Variants in EFCAB5 observed in about 807,000 individuals in gnomAD.
The protein encoded by EFCAB5 is EF-hand calcium binding domain 5, also known as EF-hand calcium-binding domain-containing protein 5.
A neutral mutation model predicts 167.9 loss-of-function variants in EFCAB5; 131 were observed. The ratio of observed to expected loss-of-function variants is 0.78; its 90% CI spans 0.68 to 0.90. EFCAB5 has a LOEUF of 0.90. EFCAB5 is among the 40% of genes least tolerant of loss of function. The pLI, the probability that EFCAB5 is intolerant of heterozygous loss-of-function variation, is 0.00. For synonymous variants in EFCAB5, 574 were observed against 602.8 expected (o/e 0.95, Z 0.70); for missense variants, 1,663 against 1,745.2 (o/e 0.95, Z 0.84).
Position 30,054,068 on chromosome 17 carries a change from A to C in EFCAB5, c.2114A>C (p.Gln705Pro), listed in dbSNP as rs2083171301. Residue 705 changes from glutamine to proline, a missense_variant, in exon 10 of 23, where the codon CAA (glutamine) becomes CCA (proline). By Grantham distance (76) the Gln-to-Pro change is moderately conservative. Coordinates refer to ENST00000394835, the MANE Select transcript of EFCAB5 (RefSeq NM_198529.4). ...VPLQEKRSWE[Q>P]TYEEEIFLSS... Reference sequence around the variant, plus strand: ...CTACAGGAAAAGAGGTCTTGGGAACAAACATATGAAGAGGAAATATTCCTG... The same window carrying C: ...CTACAGGAAAAGAGGTCTTGGGAACCAACATATGAAGAGGAAATATTCCTG... 6.3e-7 allele frequency: 1 copy of C among 1,594,666 alleles called. No homozygotes were observed. The highest frequency in any genetic ancestry group is 1.3e-5 in the African/African-American group (1 of 74,630).
At chr17:29,984,547 G>A (rs2068242531) in intron 4 of EFCAB5, among the ~76,000 whole-genome samples, 1 of 151,982 alleles carries the variant, frequency 6.6e-6, no homozygotes, top group South Asian at 2.1e-4. Context: ...GTGAAACTCT[G>A]TCTCTACTAA....
intron 3 of EFCAB5, among the ~76,000 whole-genome samples, chr17:29,954,578 G>A (rs2067575619): frequency 6.6e-6 from 1 of 152,220 alleles, no homozygotes; most frequent in Non-Finnish European, 1.5e-5. Context: ...GATGTCCAGG[G>A]AGAAGTTTGC....
At chr17:30,080,561 T>G (rs3924841) in intron 16 of EFCAB5, among the ~76,000 whole-genome samples, 192 bp from the exon 17 acceptor site, 91,210 of 151,432 alleles carry the variant, frequency 0.6, 28,983 homozygotes, top group African/African-American at 0.81. Flanking sequence ...TTTTTTTTTT[T>G]TTTGTTTGTT....
At chr17:30,091,848 G>A in intron 20 of EFCAB5, 23 bp from the exon 21 acceptor site, 2 of 1,610,300 alleles carry the variant, frequency 1.2e-6, no homozygotes, top group Non-Finnish European at 1.7e-6. Context: ...ACAGCAATGT[G>A]AGCTATCATT....
chr17:30,095,614 C>G (rs536992317), intron 22 of EFCAB5, among the ~76,000 whole-genome samples: 1 of 152,326 alleles, frequency 6.6e-6, no homozygotes, highest in Admixed American at 6.5e-5. Flanking sequence ...CATTCCTTAA[C>G]TCCCCACTGC....
chr17:30,009,836 A>G (rs1350274137), intron 7 of EFCAB5, among the ~76,000 whole-genome samples: 8 of 151,864 alleles, frequency 5.3e-5, no homozygotes, highest in Non-Finnish European at 1.0e-4. Flanking sequence ...TTATACTTTA[A>G]GTTCTAGGGT....
At chr17:30,049,333 A>G (rs1374453246) in intron 8 of EFCAB5, among the ~76,000 whole-genome samples, 1 of 152,182 alleles carries the variant, frequency 6.6e-6, no homozygotes, top group African/African-American at 2.4e-5. Flanking sequence ...TACAAAAATT[A>G]GCCAGGCGTG....
intron 3 of EFCAB5, among the ~76,000 whole-genome samples, chr17:29,965,274 ATTT>A (rs533201159): frequency 6.6e-6 from 1 of 151,110 alleles, no homozygotes. Context: ...ATCCCTTGTG[ATTT>A]TTTTGACCCA....
At chr17:30,063,271 C>T (rs1466788584) in intron 14 of EFCAB5, among the ~76,000 whole-genome samples, 1 of 152,224 alleles carries the variant, frequency 6.6e-6, no homozygotes, top group East Asian at 1.9e-4. Context: ...CTTGCTGCCA[C>T]CGTACCTGGT....
In EFCAB5 at chr17:30,107,906, G is replaced by A; in HGVS notation, c.4394G>A (p.Cys1465Tyr). 6.2e-7 allele frequency: 1 copy of A among 1,610,986 alleles called. No homozygotes were observed. Among genetic ancestry groups the A allele is most frequent in the South Asian group, 1.1e-5 (1 of 90,464 alleles). ...IEHLYHWIHI[C>Y]SALMKITKQL... ...CATCTATACCACTGGATACACATCTGTTCAGCTCTCATGAAGATAACCAAA... is the reference window on the plus strand; with the variant it reads ...CATCTATACCACTGGATACACATCTATTCAGCTCTCATGAAGATAACCAAA... The change falls in exon 23 of 23, where the codon TGT becomes TAT. Residue 1465 changes from cysteine to tyrosine, a missense_variant. Transcript: ENST00000394835.
chr17:30,018,041 T>C (rs1044656305), intron 7 of EFCAB5, among the ~76,000 whole-genome samples: 1 of 152,176 alleles, frequency 6.6e-6, no homozygotes, highest in African/African-American at 2.4e-5. Flanking sequence ...TTCTTATATA[T>C]TGAGAATGTC....
At position 30,054,067 on chromosome 17, in the gene EFCAB5, C is replaced by G; in HGVS notation, c.2113C>G (p.Gln705Glu). 6.3e-7 allele frequency: 1 copy of G among 1,595,568 alleles called. No homozygotes were observed. The highest frequency in any genetic ancestry group is 8.5e-7 in the Non-Finnish European group (1 of 1,170,070). The change falls in exon 10 of 23, where the codon CAA becomes GAA. Residue 705 changes from glutamine (Q) to glutamate (E), a missense_variant. By Grantham distance (29) the Gln-to-Glu change is conservative. Transcript: ENST00000394835. ...TCTACAGGAAAAGAGGTCTTGGGAACAAACATATGAAGAGGAAATATTCCT... is the reference window on the plus strand; with the variant it reads ...TCTACAGGAAAAGAGGTCTTGGGAAGAAACATATGAAGAGGAAATATTCCT... Reference protein sequence around the residue: ...VPLQEKRSWEQTYEEEIFLSS... With the variant: ...VPLQEKRSWEETYEEEIFLSS...
intron 22 of EFCAB5, 78 bp from the exon 23 acceptor site, chr17:30,107,756 A>G: frequency 8.2e-7 from 1 of 1,223,810 alleles, no homozygotes; most frequent in South Asian, 2.1e-5. Flanking sequence ...AACTTTAATC[A>G]TAATATTAGA....
Position 30,088,436 on chromosome 17 carries a change from A to G in EFCAB5, c.3683+1270A>G, listed in dbSNP as rs545127391. On this transcript the variant is annotated intron_variant, in intron 19 of 22. Transcript: ENST00000394835. ...ATTTTCCATGAATTTCCTTGTAAAT[A>G]TGGAATTCAACAAAAGCCCACCATG... Among the ~76,000 whole-genome samples the G allele has an allele frequency of 2.0e-5, 3 of 152,356 alleles. No individual in the cohort carries two copies. In the South Asian group the frequency reaches 6.2e-4, roughly 32 times the overall value.
Position 30,053,407 on chromosome 17 carries a change from T to C in EFCAB5, c.1453T>C (p.Leu485=), listed in dbSNP as rs1375327898. The C allele has an allele frequency of 6.2e-7, 1 of 1,613,986 alleles. No individual in the cohort carries two copies. The highest frequency in any genetic ancestry group is 1.1e-5 in the South Asian group (1 of 91,084). ...TGCTAGCAAAACCCAAAGTAAATTA[T>C]TAGAAAGTCCAGATCAACCTAAACT... is the stretch of plus-strand genomic sequence containing the variant. ...NHASKTQSKL[L]ESPDQPKLNE... Residue 485 remains leucine (L), a synonymous_variant, in exon 10 of 23, where the codon TTA becomes CTA. Coordinates refer to ENST00000394835, the MANE Select transcript of EFCAB5 (RefSeq NM_198529.4).
chr17:30,071,619 A>G (rs1418741367), intron 14 of EFCAB5, among the ~76,000 whole-genome samples: 1 of 152,150 alleles, frequency 6.6e-6, no homozygotes, highest in Non-Finnish European at 1.5e-5. Context: ...AAACAGAACT[A>G]CCATATGATC....
intron 7 of EFCAB5, among the ~76,000 whole-genome samples, chr17:30,025,635 G>C (rs1482025086): frequency 6.6e-6 from 1 of 152,184 alleles, no homozygotes; most frequent in Non-Finnish European, 1.5e-5. Context: ...TCTAGAACTA[G>C]AAATACCACT....
At chr17:30,045,238 C>G (rs2069888919) in intron 8 of EFCAB5, among the ~76,000 whole-genome samples, 1 of 151,964 alleles carries the variant, frequency 6.6e-6, no homozygotes, top group Non-Finnish European at 1.5e-5. Context: ...AGGTGGATTG[C>G]CTGAGCTTAG....
chr17:30,019,858 C>T (rs1295886990), intron 7 of EFCAB5, among the ~76,000 whole-genome samples: 1 of 152,056 alleles, frequency 6.6e-6, no homozygotes, highest in Non-Finnish European at 1.5e-5. Context: ...TTCAGCGCCT[C>T]TATTTAGTTT....
Sources: allele counts gnomAD v4.1 joint callset (sites outside exome capture counted in the v4.1 genomes callset), GRCh38; gene constraint gnomAD v4.1.1; transcripts MANE v1.5; gene names NCBI Gene and HGNC (gene_info 2026-07-23, HGNC 2026-07-21).